MYCBP2: variants seen among roughly 807,000 people sequenced by gnomAD.
MYCBP2 encodes E3 ubiquitin-protein ligase MYCBP2.
Under a neutral mutation model 525.3 loss-of-function variants are expected in MYCBP2, and 120 were observed. The ratio of observed to expected loss-of-function variants is 0.23; its 90% confidence interval spans 0.20 to 0.27. The LOEUF is 0.27. Among genes scored for constraint, MYCBP2 ranks in the 10% least tolerant of loss-of-function variants. MYCBP2 has a pLI of 1.00. For missense variants in MYCBP2, 4,149 were observed against 5,657.1 expected, an observed-to-expected ratio of 0.73 and a Z score of 8.55; for synonymous variants, 1,894 against 1,955.8, an observed-to-expected ratio of 0.97 and a Z score of 0.83.
chr13:77,144,627 G>T, intron 48 of MYCBP2, 67 bp from the exon 49 acceptor site: 1 of 1,029,846 alleles, frequency 9.7e-7, no homozygotes. Context: ...CATTACGATA[G>T]TTCAGCAAAC....
Position 77,124,158 on chromosome 13 carries a change from G to A in MYCBP2, c.8017+1178C>T, listed in dbSNP as rs564964808. 5.9e-5 allele frequency among the ~76,000 whole-genome samples: 9 copies of A among 152,264 alleles called. No homozygotes were observed. In the South Asian group the frequency reaches 8.3e-4, roughly 14 times the overall value. ...TAAAACACGAATGAAGATTCTGGCT[G>A]AAGTCTTACATCTGCTATGTCACCA... On this transcript the variant is annotated intron_variant, in intron 54 of 82. Coordinates refer to ENST00000544440, the MANE Select transcript of MYCBP2 (RefSeq NM_015057.5).
intron 55 of MYCBP2, among the ~76,000 whole-genome samples, chr13:77,102,005 A>C (rs867380469): frequency 1.1e-4 from 16 of 152,102 alleles, no homozygotes; most frequent in African/African-American, 3.9e-4. Flanking sequence ...GATAATATGC[A>C]AACATTTTTC....
At chr13:77,060,038 T>G (rs1014161953) in intron 76 of MYCBP2, among the ~76,000 whole-genome samples, 1 of 152,130 alleles carries the variant, frequency 6.6e-6, no homozygotes, top group African/African-American at 2.4e-5. Flanking sequence ...TAAGGCATGG[T>G]ATAAAGCCTA....
chr13:77,177,654 A>AT (rs1283862712), intron 35 of MYCBP2, 94 bp downstream of exon 35: 8 of 1,003,166 alleles, frequency 8.0e-6, no homozygotes, highest in Non-Finnish European at 1.1e-5. Flanking sequence ...TTCATCAGTG[A>AT]TTGATCTAGT....
chr13:77,267,413 T>TAAAA (rs1202116127), intron 8 of MYCBP2, among the ~76,000 whole-genome samples: 11 of 148,522 alleles, frequency 7.4e-5, no homozygotes, highest in African/African-American at 2.5e-4. Context: ...TAAAATAAAA[T>TAAAA]TAAATTAAAT....
chr13:77,324,412 T>C (rs1247354920), intron 1 of MYCBP2, among the ~76,000 whole-genome samples: 4 of 152,232 alleles, frequency 2.6e-5, no homozygotes, highest in Non-Finnish European at 5.9e-5. Context: ...AATAATTCTA[T>C]CATTCATTCA....
intron 17 of MYCBP2, among the ~76,000 whole-genome samples, chr13:77,242,723 A>C (rs969924228): frequency 6.6e-6 from 1 of 152,218 alleles, no homozygotes; most frequent in African/African-American, 2.4e-5. Context: ...GGTGAAGGAC[A>C]AGTTGTGAGA....
chr13:77,059,768 T>G (rs1292860388), intron 76 of MYCBP2, 142 bp from the exon 77 acceptor site: 2 of 598,264 alleles, frequency 3.3e-6, no homozygotes, highest in Non-Finnish European at 5.9e-6. Context: ...AACGGAAGGT[T>G]TCTAAGTTGT....
chr13:77,248,047 C>G (rs921211457), intron 15 of MYCBP2, among the ~76,000 whole-genome samples: 1 of 150,750 alleles, frequency 6.6e-6, no homozygotes, highest in South Asian at 2.1e-4. Context: ...TGTTAAATAA[C>G]GAGTTAATGG....
At chr13:77,064,233 T>C (rs554064585) in intron 73 of MYCBP2, among the ~76,000 whole-genome samples, 172 of 152,328 alleles carry the variant, frequency 1.1e-3, no homozygotes, top group African/African-American at 4.0e-3. Flanking sequence ...CAACCAGGCA[T>C]AGGCAGGGGT....
chr13:77,288,981 TTC>T (rs2077187898), intron 2 of MYCBP2, among the ~76,000 whole-genome samples: 1 of 152,150 alleles, frequency 6.6e-6, no homozygotes, highest in South Asian at 2.1e-4. Flanking sequence ...ACTAAACAGT[TTC>T]TCTTTTATGC....
intron 58 of MYCBP2, among the ~76,000 whole-genome samples, chr13:77,094,031 T>A (rs1245354973): frequency 6.6e-6 from 1 of 152,186 alleles, no homozygotes; most frequent in Non-Finnish European, 1.5e-5. Context: ...ACTAAAGATC[T>A]ATTGTATTTT....
rs1474028876 is a variant in MYCBP2 at position 77,326,938 on chromosome 13, T to C, written c.-163A>G. On this transcript the variant is annotated 5_prime_UTR_variant, in exon 1 of 83. Coordinates refer to ENST00000544440, the MANE Select transcript of MYCBP2 (RefSeq NM_015057.5). This position sits in a 1 kb window ranked among gnomAD's most constrained non-coding sequence, Gnocchi z 4.2. ...ACAGCGACCTCCTTCTCCTCCTCCTTCTTCTCCTCCTCCCCCCCGCGCCGC... is the reference window on the plus strand; with the variant it reads ...ACAGCGACCTCCTTCTCCTCCTCCTCCTTCTCCTCCTCCCCCCCGCGCCGC... 2 of 564,790 alleles carry C rather than the reference T, an allele frequency of 3.5e-6. No individual in the cohort carries two copies. The highest frequency in any genetic ancestry group is 5.5e-6 in the Non-Finnish European group (2 of 366,964). 35.0% of individuals were successfully genotyped at this position (564,790 alleles called of 1,614,324 possible).
At chr13:77,300,998 CT>C (rs898152726) in intron 1 of MYCBP2, among the ~76,000 whole-genome samples, 1 of 152,124 alleles carries the variant, frequency 6.6e-6, no homozygotes, top group African/African-American at 2.4e-5. Context: ...ACTAGTAGTG[CT>C]TTAGATGCCC....
At chr13:77,203,787 A>C (rs545434567) in intron 26 of MYCBP2, among the ~76,000 whole-genome samples, 61 of 152,050 alleles carry the variant, frequency 4.0e-4, no homozygotes, top group East Asian at 5.8e-4. Context: ...GAAAAACAAG[A>C]AATGGGGAAA....
At chr13:77,147,312 C>T (rs1467652341) in intron 47 of MYCBP2, among the ~76,000 whole-genome samples, 1 of 151,938 alleles carries the variant, frequency 6.6e-6, no homozygotes, top group Non-Finnish European at 1.5e-5. Flanking sequence ...TTCAATTGTA[C>T]CTGTAGCAAT....
intron 68 of MYCBP2, among the ~76,000 whole-genome samples, chr13:77,072,300 GAAAA>G (rs56238720): frequency 0.022 from 2,651 of 121,220 alleles, 42 homozygotes; most frequent in Middle Eastern, 0.086. Context: ...CAAAAAAAAA[GAAAA>G]AAAAAAAAAA....
At chr13:77,054,747 G>A (rs9544415) in intron 80 of MYCBP2, among the ~76,000 whole-genome samples, 85,966 of 151,716 alleles carry the variant, frequency 0.57, 27,808 homozygotes, top group Non-Finnish European at 0.73. Context: ...ACTACAGGCA[G>A]ATGCCAACCT....
intron 20 of MYCBP2, among the ~76,000 whole-genome samples, chr13:77,223,803 T>C (rs747582104): frequency 7.9e-5 from 12 of 152,278 alleles, no homozygotes; most frequent in Middle Eastern, 3.4e-3. Context: ...AACAGCAAGA[T>C]TCCAAAGTGG....
Sources: gnomAD v4.1 joint callset for allele counts (sites outside exome capture counted in the v4.1 genomes callset) on GRCh38, gnomAD v4.1.1 for gene constraint, Gnocchi (gnomAD v3.1) non-coding constraint, MANE v1.5 for transcripts, NCBI Gene and HGNC (gene_info 2026-07-23, HGNC 2026-07-21) for gene names.